The following SDK1 variants were observed in gnomAD, a reference collection of about 807,000 sequenced individuals.
SDK1 encodes protein sidekick-1.
Under a neutral mutation model 245.5 loss-of-function variants are expected in SDK1, and 157 were observed. The observed-to-expected ratio is 0.64, with a 90% CI of 0.56 to 0.73. The LOEUF is 0.73. Among genes scored for constraint, SDK1 ranks in the 30% least tolerant of loss-of-function variants. The pLI, the probability that SDK1 is intolerant of heterozygous loss-of-function variation, is 0.00. For synonymous variants in SDK1, 1,647 were observed against 1,278.5 expected (o/e 1.29, Z -6.15); for missense variants, 3,583 against 3,002.3 (o/e 1.19, Z -4.52).
intron 1 of SDK1, among the ~76,000 whole-genome samples, chr7:3,373,139 A>G (rs1209114950): frequency 6.6e-6 from 1 of 152,186 alleles, no homozygotes; most frequent in Non-Finnish European, 1.5e-5. Context: ...AAAATATTGT[A>G]AGTTGAAAAT....
At chr7:3,602,769 G>C (rs1415106736) in intron 1 of SDK1, among the ~76,000 whole-genome samples, 2 of 152,134 alleles carry the variant, frequency 1.3e-5, no homozygotes, top group African/African-American at 4.8e-5. Flanking sequence ...TGTCCTCAAT[G>C]GTATTGCCTA....
intron 1 of SDK1, among the ~76,000 whole-genome samples, chr7:3,446,717 T>C (rs181515940): frequency 7.2e-5 from 11 of 152,304 alleles, no homozygotes; most frequent in African/African-American, 2.6e-4. Context: ...TCTATTTGAA[T>C]TCAATCCCTA....
At chr7:3,624,180 T>C (rs563646729) in intron 2 of SDK1, among the ~76,000 whole-genome samples, 4 of 152,334 alleles carry the variant, frequency 2.6e-5, no homozygotes, top group Middle Eastern at 3.4e-3. Flanking sequence ...GTAGAACTTT[T>C]CAGAAAGCTA....
chr7:3,591,539 C>T (rs558441923), intron 1 of SDK1, among the ~76,000 whole-genome samples: 1 of 152,212 alleles, frequency 6.6e-6, no homozygotes, highest in African/African-American at 2.4e-5. Flanking sequence ...CATTGACATT[C>T]AGAAAAACAA....
chr7:3,797,558 A>G (rs1309149405), intron 4 of SDK1, among the ~76,000 whole-genome samples: 1 of 151,932 alleles, frequency 6.6e-6, no homozygotes, highest in Admixed American at 6.6e-5. Context: ...CTATGTTTTC[A>G]TACTTAATAC....
chr7:3,455,269 A>G (rs539034324), intron 1 of SDK1, among the ~76,000 whole-genome samples: 74 of 152,124 alleles, frequency 4.9e-4, no homozygotes, highest in African/African-American at 1.6e-3. Context: ...GGTTTTCACA[A>G]AGCAAAATTT....
Position 4,231,716 on chromosome 7 carries a change from C to T in SDK1, c.5828-1539C>T, listed in dbSNP as rs530065511. The stretch of plus-strand genomic sequence containing the variant: ...TTTAAAATCTCATTCACGTCTATTC[C>T]TCATTAACCTGTGACTGTAAGGACT... On this transcript the variant is annotated intron_variant, in intron 40 of 44. Coordinates refer to ENST00000404826, the MANE Select transcript of SDK1 (RefSeq NM_152744.4). Among the ~76,000 whole-genome samples, 5 of 152,276 alleles carry T rather than the reference C, an allele frequency of 3.3e-5. No individual in the cohort carries two copies. In the East Asian group the frequency reaches 7.7e-4, roughly 24 times the overall value.
chr7:3,836,232 A>G (rs554493735), intron 5 of SDK1, among the ~76,000 whole-genome samples: 3 of 152,370 alleles, frequency 2.0e-5, no homozygotes, highest in African/African-American at 7.2e-5. Context: ...GTTGCTTTAC[A>G]AATGAGCTAT....
chr7:3,616,771 A>G (rs978366749), intron 1 of SDK1, among the ~76,000 whole-genome samples: 1 of 152,214 alleles, frequency 6.6e-6, no homozygotes, highest in African/African-American at 2.4e-5. Flanking sequence ...CAGTTTATAC[A>G]CTATAGTTTA....
chr7:3,464,816 TA>T lies in SDK1; in HGVS notation c.299-154259del, dbSNP rs34924350. Among the ~76,000 whole-genome samples, 748 of 152,146 alleles carry T rather than the reference TA, an allele frequency of 4.9e-3. 9 individuals carry two copies. Among genetic ancestry groups the T allele is most frequent in the African/African-American group, 0.017 (702 of 41,500 alleles). The stretch of plus-strand genomic sequence containing the variant: ...GACACACTAATGTCGGGACAGTCTT[TA>T]AAAATTTGGACAAATTTTTAAAGAG... On this transcript the variant is annotated intron_variant, in intron 1 of 44. Transcript: ENST00000404826.
chr7:3,317,355 A>G (rs1779689153), intron 1 of SDK1, among the ~76,000 whole-genome samples: 1 of 152,198 alleles, frequency 6.6e-6, no homozygotes, highest in African/African-American at 2.4e-5. Flanking sequence ...TTTAATTACA[A>G]CAAATGAAAC....
At chr7:3,941,880 C>T (rs990097762) in intron 5 of SDK1, among the ~76,000 whole-genome samples, 2 of 150,928 alleles carry the variant, frequency 1.3e-5, no homozygotes, top group African/African-American at 2.4e-5. Context: ...GATAACCAGC[C>T]GTGGTATATT....
chr7:4,012,060 C>T, intron 15 of SDK1, 35 bp from the exon 16 acceptor site: 4 of 1,411,914 alleles, frequency 2.8e-6, no homozygotes, highest in Non-Finnish European at 3.7e-6. Flanking sequence ...TTCTGGTACT[C>T]ATCTCTCTTG....
At chr7:3,726,948 A>G (rs951589220) in intron 4 of SDK1, among the ~76,000 whole-genome samples, 5 of 152,242 alleles carry the variant, frequency 3.3e-5, no homozygotes, top group African/African-American at 1.2e-4. Context: ...TTGGAAAGAA[A>G]CACCATTTAT....
chr7:3,659,514 G>A (rs891856), intron 4 of SDK1, among the ~76,000 whole-genome samples: 1 of 151,994 alleles, frequency 6.6e-6, no homozygotes, highest in Non-Finnish European at 1.5e-5. Context: ...CAGAGAGCCT[G>A]GTGTGTTCCA....
rs753975910 is a variant in SDK1 at position 4,130,096 on chromosome 7, T to TGGTAGGTCC, written c.4129_4129+8dup. 1.3e-6 allele frequency: 2 copies of TGGTAGGTCC among 1,598,178 alleles called. No individual in the cohort carries two copies. Among genetic ancestry groups the TGGTAGGTCC allele is most frequent in the Non-Finnish European group, 1.7e-6 (2 of 1,169,236 alleles). On this transcript the variant is annotated inframe_insertion and splice_region_variant, in exon 27 of 45. Coordinates refer to ENST00000404826, the MANE Select transcript of SDK1 (RefSeq NM_152744.4). ...TCATCCTGGAGCGCACCAAAGACGA[T>TGGTAGGTCC]GGTAGGTCCAGGGTTCGCGCCTTCG...
Position 3,580,902 on chromosome 7 carries a change from A to G in SDK1, c.299-38178A>G, listed in dbSNP as rs191128453. Among the ~76,000 whole-genome samples the G allele has an allele frequency of 4.6e-4, 67 of 146,862 alleles. 1 individual carries two copies. Among genetic ancestry groups the G allele is most frequent in the African/African-American group, 1.5e-3 (60 of 39,570 alleles). Reference sequence around the variant, plus strand: ...AGAATCGCTTGAACTGAGGAGGCAGAAGTTGCAGATGAGCCGAGATTGCAC... The same window carrying G: ...AGAATCGCTTGAACTGAGGAGGCAGGAGTTGCAGATGAGCCGAGATTGCAC... On this transcript the variant is annotated intron_variant, in intron 1 of 44. Coordinates refer to ENST00000404826, the MANE Select transcript of SDK1 (RefSeq NM_152744.4).
chr7:3,536,983 A>C (rs375088012), intron 1 of SDK1, among the ~76,000 whole-genome samples: 8 of 152,012 alleles, frequency 5.3e-5, no homozygotes, highest in African/African-American at 1.7e-4. Context: ...CAATCTCTCT[A>C]TTTTTTTAAT....
At chr7:3,412,817 T>G (rs953274879) in intron 1 of SDK1, among the ~76,000 whole-genome samples, 13 of 152,326 alleles carry the variant, frequency 8.5e-5, no homozygotes, top group East Asian at 1.9e-4. Flanking sequence ...CTGGAAGATT[T>G]AAGGAATGTG....
Sources: gnomAD v4.1 joint callset for allele counts (sites outside exome capture counted in the v4.1 genomes callset) on GRCh38, gnomAD v4.1.1 for gene constraint, MANE v1.5 for transcripts, NCBI Gene and HGNC (gene_info 2026-07-23, HGNC 2026-07-21) for gene names.